The following DOCK6 variants were observed in gnomAD, a reference collection of about 807,000 sequenced individuals.
The protein encoded by DOCK6 is dedicator of cytokinesis protein 6.
DOCK6 carries 167 observed loss-of-function variants against 230.3 expected under a neutral mutation model. That is an observed-to-expected ratio of 0.73 (90% confidence interval 0.64 to 0.82). The LOEUF (loss-of-function observed/expected upper bound fraction) is 0.82, where lower values mean the gene tolerates loss of function less well. Among genes scored for constraint, DOCK6 ranks in the 40% least tolerant of loss-of-function variants. The pLI, the probability that DOCK6 is intolerant of heterozygous loss-of-function variation, is 0.00. For missense variants in DOCK6, 2,598 were observed against 2,825.8 expected, an observed-to-expected ratio of 0.92 and a Z score of 1.83; for synonymous variants, 1,148 against 1,185.0, an observed-to-expected ratio of 0.97 and a Z score of 0.64.
intron 24 of DOCK6, among the ~76,000 whole-genome samples, chr19:11,223,387 G>T (rs1029644261): frequency 3.3e-5 from 5 of 152,126 alleles, no homozygotes; most frequent in African/African-American, 1.2e-4. Flanking sequence ...ATATTTCCCA[G>T]CCTCCCTTCC....
rs768668098 is a variant in DOCK6 at position 11,248,086 on chromosome 19, C to T, written c.786G>A (p.Leu262=). The T allele has an allele frequency of 1.2e-6, 2 of 1,609,192 alleles. No homozygotes were observed. Among genetic ancestry groups the T allele is most frequent in the Non-Finnish European group, 1.7e-6 (2 of 1,177,364 alleles). The change falls in exon 7 of 48, where the codon TTG becomes TTA. Residue 262 remains leucine, a synonymous_variant. Transcript: ENST00000294618. ...PPREHFGQRI[L]VKCLSLKFEI... ...CTCACTTGAGCGACAGACACTTGAC[C>T]AAGATCCTTTGTCCAAAGTGCTCGC...
chr19:11,248,718 T>C (rs2080073457), intron 6 of DOCK6, among the ~76,000 whole-genome samples: 1 of 152,334 alleles, frequency 6.6e-6, no homozygotes, highest in Admixed American at 6.5e-5. Context: ...CTACTCTGTC[T>C]GGGTTATACG....
chr19:11,234,061 G>C (rs2147820575), intron 21 of DOCK6, among the ~76,000 whole-genome samples: 1 of 151,800 alleles, frequency 6.6e-6, no homozygotes, highest in East Asian at 1.9e-4. Flanking sequence ...GTCCAGTGGG[G>C]AGATCTTGGC....
rs866246745 is a variant in DOCK6, at chr19:11,236,982, G to A, written c.2074-103C>T. 18 of 1,226,566 alleles carry A rather than the reference G, an allele frequency of 1.5e-5. 1 individual carries two copies. The Middle Eastern group carries it at 1.4e-3, about 92-fold the overall frequency. The allele number at this position is 1,226,566 out of a possible 1,614,324, so 76.0% of individuals were successfully genotyped here. ...CGACACTGCAGCGTGAGTGTAGCCCGGTCTGGGGGTGCAGCCAAGCACCCT... is the reference window on the plus strand; with the variant it reads ...CGACACTGCAGCGTGAGTGTAGCCCAGTCTGGGGGTGCAGCCAAGCACCCT... On this transcript the variant is annotated intron_variant, in intron 18 of 47. Coordinates refer to ENST00000294618, the MANE Select transcript of DOCK6 (RefSeq NM_020812.4). The surrounding 1 kb of genome is among the most constrained non-coding windows in gnomAD (Gnocchi z 5.2).
In DOCK6 at chr19:11,204,089, C is replaced by T. The variant is rs200018212; in HGVS notation, c.5227G>A (p.Gly1743Ser). Reference sequence around the variant, plus strand: ...CACCAAGGCTGACTCACCTCCCAGCCGGAACTCTGTGGGGAAGAGAAGGGT... The same window carrying T: ...CACCAAGGCTGACTCACCTCCCAGCTGGAACTCTGTGGGGAAGAGAAGGGT... ...AFTKIMHQSS[G>S]WERVFGTYFR... The change falls in exon 41 of 48, where the codon GGC becomes AGC. Residue 1743 changes from glycine (G) to serine (S), a missense_variant. Transcript: ENST00000294618. 274 of 1,548,966 alleles carry T rather than the reference C, an allele frequency of 1.8e-4. 2 individuals carry two copies. In the East Asian group the frequency reaches 3.6e-3, roughly 20 times the overall value.
chr19:11,232,840 A>ATGTGTATATGCACCTGTG (rs2079788683), intron 22 of DOCK6, among the ~76,000 whole-genome samples: 1 of 151,078 alleles, frequency 6.6e-6, no homozygotes, highest in African/African-American at 2.4e-5. Flanking sequence ...CATGGGGTGA[A>ATGTGTATATGCACCTGTG]TGTGTATATG....
intron 7 of DOCK6, chr19:11,247,562 GTCCACA>G (rs998589928): frequency 6.5e-6 from 1 of 153,862 alleles, no homozygotes; most frequent in African/African-American, 2.4e-5. Context: ...TCAGGTCCAA[GTCCACA>G]TCCTGTTCAA....
intron 7 of DOCK6, among the ~76,000 whole-genome samples, chr19:11,246,259 G>T (rs894403184): frequency 1.2e-4 from 18 of 150,816 alleles, no homozygotes; most frequent in Non-Finnish European, 2.2e-4. Flanking sequence ...GTAGAGACAG[G>T]GTTTCTATGT....
chr19:11,245,462 G>T, intron 9 of DOCK6, 101 bp downstream of exon 9: 1 of 1,281,624 alleles, frequency 7.8e-7, no homozygotes, highest in Non-Finnish European at 1.1e-6. Flanking sequence ...CAACAGCCCT[G>T]ATTACCCTTC....
chr19:11,258,653 G>A (rs2080235299), intron 1 of DOCK6, among the ~76,000 whole-genome samples: 2 of 151,810 alleles, frequency 1.3e-5, no homozygotes, highest in South Asian at 2.1e-4. Flanking sequence ...AGCTGGCCTC[G>A]AACTCCTGAC....
intron 1 of DOCK6, among the ~76,000 whole-genome samples, chr19:11,256,831 C>A (rs1349455233): frequency 2.6e-5 from 4 of 151,704 alleles, no homozygotes; most frequent in Non-Finnish European, 5.9e-5. Flanking sequence ...GCACCCACCA[C>A]CATGCCCGGC....
intron 41 of DOCK6, chr19:11,203,738 T>TA: frequency 2.5e-6 from 1 of 398,252 alleles, no homozygotes; most frequent in Non-Finnish European, 4.5e-6. Context: ...AGCCACGTGA[T>TA]AGACTGGGGA....
chr19:11,214,628 G>A lies in DOCK6; in HGVS notation c.4128C>T (p.His1376=), dbSNP rs372033657. Residue 1376 remains histidine (H), a synonymous_variant, in exon 33 of 48, where the codon CAC becomes CAT. Transcript: ENST00000294618. ...RVDKTKDEME[H]EALVEGNLAT... ...CCAGGTTCCCTTCCACCAAGGCCTCGTGTTCCATTTCATCCTTGGTCCTGG... is the reference window on the plus strand; with the variant it reads ...CCAGGTTCCCTTCCACCAAGGCCTCATGTTCCATTTCATCCTTGGTCCTGG... 4.8e-5 allele frequency: 77 copies of A among 1,613,574 alleles called. No homozygotes were observed. Among genetic ancestry groups the A allele is most frequent in the Middle Eastern group, 1.6e-4 (1 of 6,084 alleles).
chr19:11,215,934 G>C lies in DOCK6; in HGVS notation c.3895-7C>G, dbSNP rs368322024. The C allele has an allele frequency of 1.9e-6, 3 of 1,613,584 alleles. No homozygotes were observed. Among genetic ancestry groups the C allele is most frequent in the Non-Finnish European group, 2.5e-6 (3 of 1,179,810 alleles). ...GTTCAAAGGCCTTTTTCCCCTGGGG[G>C]TGCAGAGAACTGGGGTTCCAGGCTG... On this transcript the variant is annotated splice_polypyrimidine_tract_variant and splice_region_variant and intron_variant, in intron 30 of 47. Transcript: ENST00000294618.
intron 1 of DOCK6, among the ~76,000 whole-genome samples, chr19:11,261,583 C>T (rs1289409838): frequency 6.6e-6 from 1 of 152,144 alleles, no homozygotes; most frequent in Non-Finnish European, 1.5e-5. Flanking sequence ...AAAGACCCCC[C>T]GCCAACTGGG....
chr19:11,205,513 T>C (rs1330011215), intron 39 of DOCK6, among the ~76,000 whole-genome samples: 1 of 152,186 alleles, frequency 6.6e-6, no homozygotes, highest in Non-Finnish European at 1.5e-5. Context: ...CAGCTACTTT[T>C]TTTGCATTTT....
Position 11,204,061 on chromosome 19 carries a change from G to A in DOCK6, c.5235+20C>T. ...ACGGGGGTCCCAGAGGCAGGTGGCT[G>A]TCCACCAAGGCTGACTCACCTCCCA... On this transcript the variant is annotated intron_variant, in intron 41 of 47. Transcript: ENST00000294618. 6.5e-7 allele frequency: 1 copy of A among 1,549,592 alleles called. No homozygotes were observed. The highest frequency in any genetic ancestry group is 8.7e-7 in the Non-Finnish European group (1 of 1,146,702).
intron 24 of DOCK6, 97 bp downstream of exon 24, chr19:11,227,240 A>T (rs757644501): frequency 1.8e-5 from 28 of 1,518,098 alleles, no homozygotes; most frequent in Non-Finnish European, 2.5e-5. Context: ...TCCTGGTCTT[A>T]CGGCCAGGAG....
chr19:11,227,220 C>T, intron 24 of DOCK6, 117 bp downstream of exon 24: 2 of 1,406,002 alleles, frequency 1.4e-6, no homozygotes, highest in Non-Finnish European at 1.9e-6. Context: ...ATCCACCCAG[C>T]AAAGTGGATT....
Sources: gnomAD v4.1 joint callset for allele counts (sites outside exome capture counted in the v4.1 genomes callset) on GRCh38, gnomAD v4.1.1 for gene constraint, Gnocchi (gnomAD v3.1) non-coding constraint, MANE v1.5 for transcripts, NCBI Gene and HGNC (gene_info 2026-07-23, HGNC 2026-07-21) for gene names.